The following LHFPL6 variants were observed in gnomAD, a reference collection of about 807,000 sequenced individuals.
LHFPL6 encodes the protein LHFPL tetraspan subfamily member 6 protein.
Under a neutral mutation model 20.6 loss-of-function variants are expected in LHFPL6, and 9 were observed. The ratio of observed to expected loss-of-function variants is 0.44; its 90% confidence interval spans 0.26 to 0.76. The LOEUF is 0.76. Among genes scored for constraint, LHFPL6 ranks in the 30% least tolerant of loss-of-function variants. LHFPL6 has a pLI of 0.20. For missense variants in LHFPL6, 218 were observed against 253.5 expected, an observed-to-expected ratio of 0.86 and a Z score of 0.95; for synonymous variants, 105 against 98.7, an observed-to-expected ratio of 1.06 and a Z score of -0.38.
chr13:39,422,794 T>A (rs1871530468), intron 2 of LHFPL6, among the ~76,000 whole-genome samples: 1 of 152,086 alleles, frequency 6.6e-6, no homozygotes, highest in Admixed American at 6.6e-5. Context: ...AATAAAGACA[T>A]ACCTAAGACT....
chr13:39,574,207 G>A (rs977488978), intron 2 of LHFPL6, among the ~76,000 whole-genome samples: 1 of 152,194 alleles, frequency 6.6e-6, no homozygotes, highest in South Asian at 2.1e-4. Context: ...ACAAGGCCGG[G>A]CGCGGTGGCT....
rs1461026995 is a variant in LHFPL6 at position 39,561,054 on chromosome 13, C to T, written c.385+39778G>A. On this transcript the variant is annotated intron_variant, in intron 2 of 3. Coordinates refer to ENST00000379589, the MANE Select transcript of LHFPL6 (RefSeq NM_005780.3). The stretch of plus-strand genomic sequence containing the variant: ...TTCTTCACTCTATGCAGGAGCCAGC[C>T]GGGGTCCACATCCATGGTGCTCCCT... Among the ~76,000 whole-genome samples, 4 of 151,902 alleles carry T rather than the reference C, an allele frequency of 2.6e-5. No homozygotes were observed. In the South Asian group the frequency reaches 8.3e-4, roughly 32 times the overall value.
In LHFPL6 at chr13:39,572,288, CTGTGTGTGTG is replaced by C. The variant is rs3222813; in HGVS notation, c.385+28534_385+28543del. On this transcript the variant is annotated intron_variant, in intron 2 of 3. Coordinates refer to ENST00000379589, the MANE Select transcript of LHFPL6 (RefSeq NM_005780.3). ...GCCGTGGTAGTATATTTTTTAAACT[CTGTGTGTGTG>C]TGTGTGTGTGTGTGTGTGTGTGTGT... 4.8e-4 allele frequency among the ~76,000 whole-genome samples: 69 copies of C among 143,500 alleles called. 1 individual carries two copies. Among genetic ancestry groups the C allele is most frequent in the Middle Eastern group, 3.5e-3 (1 of 288 alleles). 94.1% of individuals were successfully genotyped at this position (143,500 alleles called of 152,430 possible).
chr13:39,372,999 A>C (rs1010578377), intron 3 of LHFPL6, among the ~76,000 whole-genome samples: 3 of 152,144 alleles, frequency 2.0e-5, no homozygotes, highest in Non-Finnish European at 2.9e-5. Flanking sequence ...CCCAGACCAC[A>C]TGCAGACTCA....
intron 2 of LHFPL6, among the ~76,000 whole-genome samples, chr13:39,562,465 C>CACATATAT (rs1871537075): frequency 3.0e-5 from 3 of 101,320 alleles, no homozygotes; most frequent in African/African-American, 9.7e-5. Context: ...TACATATATA[C>CACATATAT]ACATATACAC....
chr13:39,537,994 T>TTC (rs1299808004), intron 2 of LHFPL6, among the ~76,000 whole-genome samples: 1 of 5,270 alleles, frequency 1.9e-4, no homozygotes, highest in South Asian at 6.8e-3. Context: ...CTTTCTTTCT[T>TTC]TTTTTTTTTT....
intron 2 of LHFPL6, among the ~76,000 whole-genome samples, chr13:39,428,012 G>A (rs999245725): frequency 6.6e-6 from 1 of 152,200 alleles, no homozygotes; most frequent in Non-Finnish European, 1.5e-5. Flanking sequence ...AGTTTCCTGA[G>A]GCCTCCTCAG....
chr13:39,446,118 G>T (rs1872282238), intron 2 of LHFPL6, among the ~76,000 whole-genome samples: 1 of 152,168 alleles, frequency 6.6e-6, no homozygotes, highest in Non-Finnish European at 1.5e-5. Context: ...GAGGAAATGA[G>T]CATGGTAGTT....
chr13:39,534,782 C>T (rs1870566968), intron 2 of LHFPL6, among the ~76,000 whole-genome samples: 1 of 152,148 alleles, frequency 6.6e-6, no homozygotes, highest in Admixed American at 6.5e-5. Context: ...CTATGCATTA[C>T]CAATTTACAT....
In LHFPL6 at chr13:39,343,771, AAT is replaced by A; in HGVS notation, c.*163_*164del. 1 of 593,094 alleles carries A rather than the reference AAT, an allele frequency of 1.7e-6. No individual in the cohort carries two copies. The highest frequency in any genetic ancestry group is 2.6e-5 in the South Asian group (1 of 38,314). The allele number at this position is 593,094 out of a possible 1,614,324, so 36.7% of individuals were successfully genotyped here. On this transcript the variant is annotated 3_prime_UTR_variant, in exon 4 of 4. Coordinates refer to ENST00000379589, the MANE Select transcript of LHFPL6 (RefSeq NM_005780.3). The stretch of plus-strand genomic sequence containing the variant: ...TTTTTTTCCCCCACAAATCTCCTAC[AAT>A]CCTTCCTTCCTATATCATGTTCCTG...
chr13:39,401,838 G>C (rs2138379658), intron 2 of LHFPL6, among the ~76,000 whole-genome samples: 1 of 152,262 alleles, frequency 6.6e-6, no homozygotes, highest in East Asian at 1.9e-4. Context: ...CCTTAACCCT[G>C]TCATCTCAAC....
intron 2 of LHFPL6, among the ~76,000 whole-genome samples, chr13:39,404,138 G>A (rs1003023918): frequency 3.9e-5 from 6 of 152,208 alleles, no homozygotes; most frequent in Admixed American, 3.9e-4. Flanking sequence ...ATAAGCACGT[G>A]ATGGAATTTT....
chr13:39,465,653 T>C (rs1391068166), intron 2 of LHFPL6, among the ~76,000 whole-genome samples: 1 of 152,070 alleles, frequency 6.6e-6, no homozygotes, highest in Non-Finnish European at 1.5e-5. Flanking sequence ...GACTTAATCA[T>C]CTTGTCTGAA....
chr13:39,393,871 C>T (rs149466931), intron 2 of LHFPL6, among the ~76,000 whole-genome samples: 4 of 152,280 alleles, frequency 2.6e-5, no homozygotes, highest in East Asian at 1.9e-4. Flanking sequence ...CCATTTTTCA[C>T]GGTATCCTCA....
chr13:39,400,446 G>A lies in LHFPL6; in HGVS notation c.386-21920C>T, dbSNP rs543411391. ...CATTTGCAGACAGTTCCACTGGACA[G>A]TGCTGTGTTAGACAGAATGGTTTTC... On this transcript the variant is annotated intron_variant, in intron 2 of 3. Transcript: ENST00000379589. Among the ~76,000 whole-genome samples the A allele has an allele frequency of 2.6e-5, 4 of 152,302 alleles. No individual in the cohort carries two copies. In the South Asian group the frequency reaches 6.2e-4, roughly 24 times the overall value.
chr13:39,421,675 A>C (rs959005867), intron 2 of LHFPL6, among the ~76,000 whole-genome samples: 1 of 152,210 alleles, frequency 6.6e-6, no homozygotes, highest in African/African-American at 2.4e-5. Context: ...TGGAGAAATT[A>C]ATGGGGACTA....
At chr13:39,418,737 C>A (rs891700222) in intron 2 of LHFPL6, among the ~76,000 whole-genome samples, 1 of 152,210 alleles carries the variant, frequency 6.6e-6, no homozygotes, top group Non-Finnish European at 1.5e-5. Flanking sequence ...AGAAACCTCA[C>A]AATATTGTCT....
intron 2 of LHFPL6, among the ~76,000 whole-genome samples, chr13:39,587,890 T>C (rs1482352795): frequency 6.6e-6 from 1 of 151,942 alleles, no homozygotes; most frequent in Non-Finnish European, 1.5e-5. Flanking sequence ...AGGGCAGGGC[T>C]TTCTAGGAGG....
chr13:39,485,133 A>G (rs2138448550), intron 2 of LHFPL6, among the ~76,000 whole-genome samples: 1 of 152,164 alleles, frequency 6.6e-6, no homozygotes, highest in East Asian at 1.9e-4. Flanking sequence ...AGGAAATACT[A>G]CATTTAGTAC....
Sources: allele counts gnomAD v4.1 joint callset (sites outside exome capture counted in the v4.1 genomes callset), GRCh38; gene constraint gnomAD v4.1.1; transcripts MANE v1.5; gene names NCBI Gene and HGNC (gene_info 2026-07-23, HGNC 2026-07-21).